The following CCDC6 variants were observed in gnomAD, a reference collection of about 807,000 sequenced individuals.
The protein encoded by CCDC6 is coiled-coil domain-containing protein 6.
CCDC6 carries 20 observed loss-of-function variants against 56.6 expected under a neutral mutation model. The ratio of observed to expected loss-of-function variants is 0.35; its 90% CI spans 0.25 to 0.51. The LOEUF (loss-of-function observed/expected upper bound fraction) is 0.51, where lower values mean the gene tolerates loss of function less well. CCDC6 is among the 20% of genes least tolerant of loss of function. CCDC6 has a pLI of 0.95. For missense variants in CCDC6, 367 were observed against 601.1 expected (o/e 0.61, Z 4.07); for synonymous variants, 241 against 234.4 (o/e 1.03, Z -0.26).
At chr10:59,882,428 A>G (rs71504047) in intron 1 of CCDC6, among the ~76,000 whole-genome samples, 1,150 of 2,800 alleles carry the variant, frequency 0.41, 67 homozygotes, top group Middle Eastern at 0.5. Context: ...AAGGAAAGCC[A>G]GGGGGAGAAG....
chr10:59,854,523 A>G (rs1411656216), intron 1 of CCDC6, among the ~76,000 whole-genome samples: 1 of 152,106 alleles, frequency 6.6e-6, no homozygotes, highest in East Asian at 1.9e-4. Flanking sequence ...CAGCTAATAA[A>G]TCTGTATTAC....
intron 3 of CCDC6, among the ~76,000 whole-genome samples, chr10:59,817,855 T>C (rs1463405666): frequency 2.6e-5 from 4 of 152,166 alleles, no homozygotes; most frequent in African/African-American, 9.7e-5. Context: ...CATTCTGTCA[T>C]TCCCTGCCCA....
chr10:59,795,768 T>C (rs2070511372), intron 7 of CCDC6, among the ~76,000 whole-genome samples: 1 of 152,066 alleles, frequency 6.6e-6, no homozygotes, highest in African/African-American at 2.4e-5. Flanking sequence ...AGAATGATGA[T>C]TTCCAATTTC....
chr10:59,836,043 G>A (rs914476006), intron 2 of CCDC6, among the ~76,000 whole-genome samples: 1 of 122,026 alleles, frequency 8.2e-6, no homozygotes, highest in Admixed American at 9.3e-5. Flanking sequence ...GACAGACTGC[G>A]ACCCTGTCTA....
chr10:59,894,061 C>A (rs1394448836), intron 1 of CCDC6, among the ~76,000 whole-genome samples: 1 of 152,180 alleles, frequency 6.6e-6, no homozygotes, highest in Non-Finnish European at 1.5e-5. Context: ...CACAAGACTG[C>A]AATATGTGGC....
At chr10:59,854,389 C>T (rs1708450879) in intron 1 of CCDC6, among the ~76,000 whole-genome samples, 1 of 152,174 alleles carries the variant, frequency 6.6e-6, no homozygotes, top group African/African-American at 2.4e-5. Context: ...ACATAGTACA[C>T]AGACTGAAAA....
At chr10:59,797,588 CAAAAAAAAAAAAAAAAAA>C in intron 7 of CCDC6, among the ~76,000 whole-genome samples, 1 of 31,608 alleles carries the variant, frequency 3.2e-5, no homozygotes, top group East Asian at 1.1e-3. Flanking sequence ...AACCTCCTAG[CAAAAAAAAAAAAAAAAAA>C]AAAAAAAAAA....
At chr10:59,820,271 C>T (rs1017287383) in intron 3 of CCDC6, among the ~76,000 whole-genome samples, 4 of 152,244 alleles carry the variant, frequency 2.6e-5, no homozygotes, top group Middle Eastern at 3.4e-3. Context: ...CAAAAAAAGC[C>T]GGATGAGAAC....
intron 2 of CCDC6, among the ~76,000 whole-genome samples, chr10:59,845,584 G>A (rs796129120): frequency 9.2e-5 from 14 of 152,294 alleles, no homozygotes; most frequent in African/African-American, 3.1e-4. Flanking sequence ...AGCATAAAAT[G>A]CATTAAAAAC....
At chr10:59,881,818 T>C (rs1036349108) in intron 1 of CCDC6, among the ~76,000 whole-genome samples, 3 of 152,152 alleles carry the variant, frequency 2.0e-5, no homozygotes, top group African/African-American at 7.2e-5. Flanking sequence ...AAGGGGACAA[T>C]GTGTGATAGG....
intron 1 of CCDC6, among the ~76,000 whole-genome samples, chr10:59,862,516 T>TATATATATATATATAC (rs1554886091): frequency 2.1e-5 from 2 of 97,202 alleles, no homozygotes; most frequent in Non-Finnish European, 3.8e-5. Context: ...TATATATATA[T>TATATATATATATATAC]ACACACACAC....
intron 3 of CCDC6, among the ~76,000 whole-genome samples, chr10:59,821,476 T>TA (rs529207404): frequency 2.6e-5 from 4 of 151,964 alleles, no homozygotes; most frequent in South Asian, 4.1e-4. Flanking sequence ...AACTGTCTTT[T>TA]AAAAAAAAGA....
intron 5 of CCDC6, among the ~76,000 whole-genome samples, chr10:59,811,165 C>T (rs1406970770): frequency 6.6e-6 from 1 of 152,086 alleles, no homozygotes; most frequent in Non-Finnish European, 1.5e-5. Flanking sequence ...TTGTTTTGAG[C>T]CTCTAGGTTT....
At chr10:59,831,844 A>G (rs910696674) in intron 3 of CCDC6, among the ~76,000 whole-genome samples, 4 of 152,208 alleles carry the variant, frequency 2.6e-5, no homozygotes, top group African/African-American at 9.7e-5. Context: ...CAATGTTCCA[A>G]CACCAATGCC....
intron 1 of CCDC6, among the ~76,000 whole-genome samples, chr10:59,855,118 G>A (rs2071071133): frequency 6.6e-6 from 1 of 152,174 alleles, no homozygotes; most frequent in Non-Finnish European, 1.5e-5. Flanking sequence ...GTGATAAATA[G>A]AAAATAAGAA....
intron 1 of CCDC6, among the ~76,000 whole-genome samples, chr10:59,854,730 A>T (rs1805437998): frequency 6.6e-6 from 1 of 152,222 alleles, no homozygotes; most frequent in Admixed American, 6.5e-5. Flanking sequence ...ATTTCACGCT[A>T]GTGCCATGGG....
intron 5 of CCDC6, among the ~76,000 whole-genome samples, chr10:59,810,137 G>A (rs920406724): frequency 2.0e-5 from 3 of 152,160 alleles, no homozygotes; most frequent in African/African-American, 7.2e-5. Context: ...TGAGAGAGAG[G>A]TTCAAGTTCA....
At chr10:59,880,695 G>C (rs1467497171) in intron 1 of CCDC6, among the ~76,000 whole-genome samples, 1 of 152,214 alleles carries the variant, frequency 6.6e-6, no homozygotes, top group East Asian at 1.9e-4. Flanking sequence ...GCATGTCACA[G>C]AGCAGCCTCC....
At chr10:59,881,111 G>A (rs558381951) in intron 1 of CCDC6, among the ~76,000 whole-genome samples, 46 of 152,188 alleles carry the variant, frequency 3.0e-4, no homozygotes, top group African/African-American at 1.1e-3. Context: ...TGTGCCTTCT[G>A]ACTAAATCCA....
Sources: allele counts gnomAD v4.1 joint callset (sites outside exome capture counted in the v4.1 genomes callset), GRCh38; gene constraint gnomAD v4.1.1; transcripts MANE v1.5; gene names NCBI Gene and HGNC (gene_info 2026-07-23, HGNC 2026-07-21).